Variants in LRRTM4 observed in about 807,000 individuals in gnomAD.
The protein encoded by LRRTM4 is leucine rich repeat transmembrane neuronal 4, also known as leucine-rich repeat transmembrane neuronal protein 4.
Under a neutral mutation model 47.6 loss-of-function variants are expected in LRRTM4, and 25 were observed. That is an observed-to-expected ratio of 0.53 (90% CI 0.38 to 0.73). The LOEUF (loss-of-function observed/expected upper bound fraction) is 0.73. LRRTM4 is among the 30% of genes least tolerant of loss of function. The pLI, the probability that LRRTM4 is intolerant of heterozygous loss-of-function variation, is 0.00. For missense variants in LRRTM4, 638 were observed against 713.4 expected (o/e 0.89, Z 1.20); for synonymous variants, 311 against 269.5 (o/e 1.15, Z -1.51).
chr2:77,449,652 G>A (rs144045377), intron 3 of LRRTM4, among the ~76,000 whole-genome samples: 3 of 152,230 alleles, frequency 2.0e-5, no homozygotes, highest in East Asian at 1.9e-4. Context: ...GGTGATAGCC[G>A]GGACTATACG....
chr2:76,893,853 A>T (rs552949611), intron 3 of LRRTM4, among the ~76,000 whole-genome samples: 1 of 151,946 alleles, frequency 6.6e-6, no homozygotes, highest in East Asian at 1.9e-4. Flanking sequence ...TCAAAATTGT[A>T]TACATTTTGG....
At chr2:76,973,399 T>A (rs1676289510) in intron 3 of LRRTM4, among the ~76,000 whole-genome samples, 1 of 152,052 alleles carries the variant, frequency 6.6e-6, no homozygotes, top group Non-Finnish European at 1.5e-5. Context: ...GGAAATATTT[T>A]CTCAGAAATG....
intron 3 of LRRTM4, among the ~76,000 whole-genome samples, chr2:76,749,758 TGATAAA>T (rs1161563326): frequency 3.9e-5 from 6 of 152,214 alleles, no homozygotes; most frequent in African/African-American, 1.4e-4. Flanking sequence ...CATAAATTTC[TGATAAA>T]GATAAATATA....
Position 76,938,002 on chromosome 2 carries a change from T to C in LRRTM4, c.1552-189086A>G, listed in dbSNP as rs372404482. On this transcript the variant is annotated intron_variant, in intron 3 of 3. Transcript: ENST00000409884. ...TTAAAGTTTTGGGAGTTTTCATTAA[T>C]TGATTTTCCTTTTAAATACCCTCCT... Among the ~76,000 whole-genome samples the C allele has an allele frequency of 7.9e-5, 12 of 152,286 alleles. No homozygotes were observed. In the East Asian group the frequency reaches 1.7e-3, roughly 22 times the overall value.
At chr2:77,381,938 C>T (rs949296095) in intron 3 of LRRTM4, among the ~76,000 whole-genome samples, 1 of 152,018 alleles carries the variant, frequency 6.6e-6, no homozygotes, top group East Asian at 1.9e-4. Flanking sequence ...TAATAAATAA[C>T]AAACATATGA....
At chr2:77,165,071 C>T (rs974046633) in intron 3 of LRRTM4, among the ~76,000 whole-genome samples, 1 of 151,520 alleles carries the variant, frequency 6.6e-6, no homozygotes, top group Non-Finnish European at 1.5e-5. Context: ...GCTAGCAAGA[C>T]TAATAAAGAA....
At chr2:77,362,195 T>A (rs1229156411) in intron 3 of LRRTM4, among the ~76,000 whole-genome samples, 1 of 134,440 alleles carries the variant, frequency 7.4e-6, no homozygotes, top group Non-Finnish European at 1.6e-5. Context: ...GAGTTCTTAA[T>A]GTCCTGAAAG....
At chr2:76,802,513 G>C (rs1013473835) in intron 3 of LRRTM4, among the ~76,000 whole-genome samples, 1 of 152,036 alleles carries the variant, frequency 6.6e-6, no homozygotes, top group Admixed American at 6.6e-5. Context: ...TGGATTGGAA[G>C]AATGGAAACC....
chr2:77,180,153 T>C (rs1278224697), intron 3 of LRRTM4, among the ~76,000 whole-genome samples: 1 of 152,134 alleles, frequency 6.6e-6, no homozygotes, highest in East Asian at 1.9e-4. Flanking sequence ...TAAAAAGAGT[T>C]TTCTGGGAAC....
intron 3 of LRRTM4, among the ~76,000 whole-genome samples, chr2:77,406,795 A>G (rs1350873877): frequency 1.3e-5 from 2 of 152,176 alleles, no homozygotes; most frequent in South Asian, 2.1e-4. Flanking sequence ...AGTAGAAAAC[A>G]TTTCTTTTCC....
At chr2:77,401,794 T>C (rs1673969583) in intron 3 of LRRTM4, among the ~76,000 whole-genome samples, 1 of 151,952 alleles carries the variant, frequency 6.6e-6, no homozygotes, top group Non-Finnish European at 1.5e-5. Flanking sequence ...AGGTCTATCT[T>C]CAAAGACTTA....
At chr2:76,908,604 AG>A (rs1168059628) in intron 3 of LRRTM4, among the ~76,000 whole-genome samples, 1 of 152,190 alleles carries the variant, frequency 6.6e-6, no homozygotes, top group Non-Finnish European at 1.5e-5. Flanking sequence ...CCATTGTCTC[AG>A]CCCAAAATCT....
At chr2:77,509,231 CAA>C (rs3085637) in intron 3 of LRRTM4, among the ~76,000 whole-genome samples, 46,043 of 138,122 alleles carry the variant, frequency 0.33, 7,778 homozygotes, top group Middle Eastern at 0.46. Flanking sequence ...GACTCTGTAT[CAA>C]AAAAAAAAAA....
chr2:76,854,926 AAAAG>A (rs756540175), intron 3 of LRRTM4, among the ~76,000 whole-genome samples: 1 of 152,170 alleles, frequency 6.6e-6, no homozygotes, highest in Non-Finnish European at 1.5e-5. Flanking sequence ...CCTCATTAAA[AAAAG>A]AAAGAAACAG....
At chr2:76,974,997 G>A (rs1208777746) in intron 3 of LRRTM4, among the ~76,000 whole-genome samples, 1 of 151,626 alleles carries the variant, frequency 6.6e-6, no homozygotes, top group African/African-American at 2.4e-5. Context: ...ACTTTGGAGA[G>A]TGATTAGCTA....
chr2:77,111,204 G>T (rs1460887957), intron 3 of LRRTM4, among the ~76,000 whole-genome samples: 1 of 151,942 alleles, frequency 6.6e-6, no homozygotes, highest in Non-Finnish European at 1.5e-5. Context: ...CTGCCTCCCG[G>T]GTTCAAGGGT....
At chr2:77,291,271 A>G (rs1173816307) in intron 3 of LRRTM4, among the ~76,000 whole-genome samples, 1 of 152,106 alleles carries the variant, frequency 6.6e-6, no homozygotes, top group African/African-American at 2.4e-5. Flanking sequence ...AATTTGGTAT[A>G]AAAAGTGAAG....
intron 3 of LRRTM4, among the ~76,000 whole-genome samples, chr2:77,296,438 T>C (rs931671440): frequency 4.6e-5 from 7 of 152,182 alleles, no homozygotes; most frequent in African/African-American, 1.4e-4. Flanking sequence ...ATAAGACATA[T>C]TACAGCATTT....
chr2:76,853,668 C>G (rs1264251308), intron 3 of LRRTM4, among the ~76,000 whole-genome samples: 2 of 152,058 alleles, frequency 1.3e-5, no homozygotes, highest in African/African-American at 2.4e-5. Context: ...GAAGAAAGAT[C>G]TTGAAAGTTG....
Sources: gnomAD v4.1 joint callset for allele counts (sites outside exome capture counted in the v4.1 genomes callset) on GRCh38, gnomAD v4.1.1 for gene constraint, MANE v1.5 for transcripts, NCBI Gene and HGNC (gene_info 2026-07-23, HGNC 2026-07-21) for gene names.